Variants in EYS observed in about 807,000 individuals in gnomAD.
The protein encoded by EYS is protein eyes shut homolog.
In EYS, 250 loss-of-function variants were observed where a neutral mutation model predicts 282.1. The ratio of observed to expected loss-of-function variants is 0.89; its 90% CI spans 0.80 to 0.98. The LOEUF is 0.98. Ranked by LOEUF, EYS falls within the 50% of genes least tolerant of loss-of-function variation. EYS has a pLI of 0.00. For synonymous variants in EYS, 1,355 were observed against 1,282.9 expected, an observed-to-expected ratio of 1.06 and a Z score of -1.20; for missense variants, 4,016 against 3,709.0, an observed-to-expected ratio of 1.08 and a Z score of -2.15.
At chr6:64,328,172 C>T (rs1047362265) in intron 29 of EYS, among the ~76,000 whole-genome samples, 2 of 152,168 alleles carry the variant, frequency 1.3e-5, no homozygotes, top group South Asian at 2.1e-4. Context: ...CAGTCCATTT[C>T]CTAATTCACA....
At chr6:64,011,590 G>GTT (rs536269930) in intron 33 of EYS, among the ~76,000 whole-genome samples, 34 of 136,180 alleles carry the variant, frequency 2.5e-4, no homozygotes, top group African/African-American at 6.8e-4. Flanking sequence ...AAAGTAGTTT[G>GTT]TTTTTTTTTT....
intron 22 of EYS, among the ~76,000 whole-genome samples, chr6:64,704,509 A>AATATTATAATTATAATATACTTATAATT (rs1770917353): frequency 1.5e-5 from 1 of 67,554 alleles, no homozygotes; most frequent in African/African-American, 4.1e-5. Context: ...TACTTATAAT[A>AATATTATAATTATAATATACTTATAATT]ATATTATAAT....
intron 31 of EYS, among the ~76,000 whole-genome samples, chr6:64,110,406 T>C (rs1158845659): frequency 6.6e-6 from 1 of 151,936 alleles, no homozygotes; most frequent in Non-Finnish European, 1.5e-5. Flanking sequence ...TACCATGTTA[T>C]AAAAAATGTT....
At chr6:64,890,804 A>G (rs1383987934) in intron 18 of EYS, among the ~76,000 whole-genome samples, 1 of 152,134 alleles carries the variant, frequency 6.6e-6, no homozygotes, top group African/African-American at 2.4e-5. Flanking sequence ...AGTTTTTGGC[A>G]TACAGACAAC....
intron 7 of EYS, among the ~76,000 whole-genome samples, chr6:65,385,893 A>T (rs1437462034): frequency 6.6e-6 from 1 of 151,972 alleles, no homozygotes; most frequent in Non-Finnish European, 1.5e-5. Context: ...GAGGATGAGC[A>T]TGTAATAGCA....
chr6:64,569,026 G>GAAAAAAAAAAAAAAAAA (rs4034162), intron 26 of EYS, among the ~76,000 whole-genome samples: 1 of 101,728 alleles, frequency 9.8e-6, no homozygotes, highest in African/African-American at 3.9e-5. Flanking sequence ...AGATGGAAAA[G>GAAAAAAAAAAAAAAAAA]AAAAAAAAAA....
intron 41 of EYS, among the ~76,000 whole-genome samples, chr6:63,743,221 G>T (rs758862373): frequency 1.5e-4 from 23 of 152,090 alleles, no homozygotes; most frequent in Non-Finnish European, 3.1e-4. Context: ...AGACTTGTGG[G>T]TATACATTAT....
rs1475001737 is a variant in EYS, at chr6:64,386,544, T to C, written c.6078+2146A>G. Among the ~76,000 whole-genome samples the C allele has an allele frequency of 2.6e-5, 4 of 152,194 alleles. No homozygotes were observed. The South Asian group carries it at 6.2e-4, about 24-fold the overall frequency. On this transcript the variant is annotated intron_variant, in intron 29 of 42. Coordinates refer to ENST00000503581, the MANE Select transcript of EYS (RefSeq NM_001142800.2). Reference sequence around the variant, plus strand: ...TCCACCTGGCCCCACCCTTGACACATGGAGATTATTACAACTCAAGGTGAG... The same window carrying C: ...TCCACCTGGCCCCACCCTTGACACACGGAGATTATTACAACTCAAGGTGAG...
intron 35 of EYS, among the ~76,000 whole-genome samples, chr6:63,941,055 A>T (rs9342058): frequency 0.42 from 64,127 of 151,870 alleles, 15,226 homozygotes; most frequent in African/African-American, 0.65. Context: ...GGTGTATATG[A>T]GCCACATTTT....
intron 13 of EYS, among the ~76,000 whole-genome samples, chr6:65,053,670 G>C (rs1773337739): frequency 6.6e-6 from 1 of 151,712 alleles, no homozygotes; most frequent in African/African-American, 2.4e-5. Context: ...AATAATTTAG[G>C]ATTTGCAAGC....
At chr6:63,743,514 C>T (rs980697592) in intron 41 of EYS, among the ~76,000 whole-genome samples, 1 of 152,116 alleles carries the variant, frequency 6.6e-6, no homozygotes, top group Non-Finnish European at 1.5e-5. Context: ...TAGGAGATTA[C>T]TCATATCAAA....
chr6:63,921,473 C>G (rs1764572534), intron 35 of EYS, among the ~76,000 whole-genome samples: 1 of 152,122 alleles, frequency 6.6e-6, no homozygotes, highest in African/African-American at 2.4e-5. Flanking sequence ...TTACAGATAT[C>G]CTGGTAGTAT....
chr6:63,991,555 C>T (rs746050393), intron 34 of EYS, among the ~76,000 whole-genome samples: 9 of 151,356 alleles, frequency 5.9e-5, no homozygotes, highest in Non-Finnish European at 1.0e-4. Flanking sequence ...ACTGTAATGC[C>T]TGAATTTAAA....
intron 36 of EYS, among the ~76,000 whole-genome samples, chr6:63,813,603 A>C (rs1052339141): frequency 1.3e-5 from 2 of 152,124 alleles, no homozygotes; most frequent in Non-Finnish European, 2.9e-5. Context: ...TAAATATATA[A>C]TTTTTTGGAG....
chr6:64,560,644 T>C (rs949028688), intron 26 of EYS, among the ~76,000 whole-genome samples: 17 of 152,108 alleles, frequency 1.1e-4, no homozygotes. Context: ...GTACACAGTG[T>C]CCTACATAAT....
intron 1 of EYS, among the ~76,000 whole-genome samples, chr6:65,650,617 T>C (rs1012515945): frequency 6.6e-6 from 1 of 152,130 alleles, no homozygotes; most frequent in Non-Finnish European, 1.5e-5. Context: ...GAATGATAAA[T>C]TATTTTCCCT....
chr6:63,780,815 T>C (rs1314763440), intron 39 of EYS, among the ~76,000 whole-genome samples: 6 of 152,226 alleles, frequency 3.9e-5, no homozygotes, highest in African/African-American at 1.4e-4. Context: ...AGACATGAAG[T>C]CCTTGCCTAT....
Position 65,450,600 on chromosome 6 carries a change from T to C in EYS, c.862+39994A>G, listed in dbSNP as rs144243797. ...TTGAAGTGGAAGTGGCCTAGGCCTT[T>C]ATATCCCTCCCTCTTTCAGTCACAG... On this transcript the variant is annotated intron_variant, in intron 5 of 42. Coordinates refer to ENST00000503581, the MANE Select transcript of EYS (RefSeq NM_001142800.2). Among the ~76,000 whole-genome samples the C allele has an allele frequency of 6.6e-5, 10 of 152,258 alleles. No homozygotes were observed. In the East Asian group the frequency reaches 1.6e-3, roughly 24 times the overall value.
At chr6:65,192,945 T>G (rs1765677390) in intron 12 of EYS, among the ~76,000 whole-genome samples, 1 of 151,896 alleles carries the variant, frequency 6.6e-6, no homozygotes, top group Non-Finnish European at 1.5e-5. Flanking sequence ...TCAAGCTATT[T>G]TAATATATAA....
Sources: allele counts gnomAD v4.1 joint callset (sites outside exome capture counted in the v4.1 genomes callset), GRCh38; gene constraint gnomAD v4.1.1; transcripts MANE v1.5; gene names NCBI Gene and HGNC (gene_info 2026-07-23, HGNC 2026-07-21).